Variants in VAV2 observed in about 807,000 individuals in gnomAD.
VAV2 encodes the protein vav guanine nucleotide exchange factor 2.
VAV2 carries 67 observed loss-of-function variants against 132.5 expected under a neutral mutation model. That is an observed-to-expected ratio of 0.51 (90% CI 0.42 to 0.62). The LOEUF is 0.62. VAV2 is among the 20% of genes least tolerant of loss of function. The pLI, the probability that VAV2 is intolerant of heterozygous loss-of-function variation, is 0.00. For missense variants in VAV2, 938 were observed against 1,153.6 expected (o/e 0.81, Z 2.71); for synonymous variants, 492 against 443.5 (o/e 1.11, Z -1.37).
At chr9:133,954,437 T>G (rs146870279) in intron 1 of VAV2, among the ~76,000 whole-genome samples, 1 of 152,236 alleles carries the variant, frequency 6.6e-6, no homozygotes, top group East Asian at 1.9e-4. Context: ...TCTCGCCTGG[T>G]GCTGGAAAGG....
intron 1 of VAV2, among the ~76,000 whole-genome samples, chr9:133,958,770 C>T (rs1478508015): frequency 6.6e-6 from 1 of 152,262 alleles, no homozygotes; most frequent in African/African-American, 2.4e-5. Context: ...CTGCAGAGCA[C>T]AGCTCCATCA....
intron 1 of VAV2, among the ~76,000 whole-genome samples, chr9:133,965,042 G>C (rs964406555): frequency 6.6e-6 from 1 of 152,148 alleles, no homozygotes; most frequent in African/African-American, 2.4e-5. Context: ...GTCCCTGTTT[G>C]CAGACATGAT....
chr9:133,796,869 A>G (rs1378823845), intron 10 of VAV2, among the ~76,000 whole-genome samples: 2 of 152,110 alleles, frequency 1.3e-5, no homozygotes, highest in Non-Finnish European at 2.9e-5. Context: ...GGTCCTTTGG[A>G]GAAGGGGCAG....
At chr9:133,812,619 C>T (rs1432733014) in intron 4 of VAV2, among the ~76,000 whole-genome samples, 1 of 152,178 alleles carries the variant, frequency 6.6e-6, no homozygotes, top group African/African-American at 2.4e-5. Flanking sequence ...AGCCTCTCTC[C>T]CCTGGCCCAA....
intron 25 of VAV2, among the ~76,000 whole-genome samples, chr9:133,772,497 C>T (rs1433209127): frequency 6.6e-6 from 1 of 152,196 alleles, no homozygotes; most frequent in African/African-American, 2.4e-5. Flanking sequence ...GTCTGGGCCT[C>T]GGCACCGGCT....
chr9:133,904,414 C>G (rs1436322804), intron 2 of VAV2, among the ~76,000 whole-genome samples: 1 of 152,250 alleles, frequency 6.6e-6, no homozygotes, highest in Non-Finnish European at 1.5e-5. Flanking sequence ...TTCATGTCCT[C>G]CAGGGTCCCG....
chr9:133,901,991 C>A (rs980110928), intron 2 of VAV2, among the ~76,000 whole-genome samples: 1 of 152,156 alleles, frequency 6.6e-6, no homozygotes, highest in African/African-American at 2.4e-5. Context: ...GTGGTCTGCA[C>A]GTCAGGAGAC....
chr9:133,946,223 C>A (rs1423628989), intron 1 of VAV2, among the ~76,000 whole-genome samples: 1 of 152,238 alleles, frequency 6.6e-6, no homozygotes, highest in African/African-American at 2.4e-5. Flanking sequence ...CTCCTCAAGG[C>A]AGCTGCCAGG....
chr9:133,821,563 G>A (rs1339199196), intron 4 of VAV2, among the ~76,000 whole-genome samples: 1 of 152,222 alleles, frequency 6.6e-6, no homozygotes, highest in Non-Finnish European at 1.5e-5. Flanking sequence ...CCCAGAGGGC[G>A]AAAGGAGGGG....
intron 2 of VAV2, among the ~76,000 whole-genome samples, chr9:133,902,962 C>A: frequency 6.6e-6 from 1 of 151,550 alleles, no homozygotes. Flanking sequence ...GTAATCCCAG[C>A]TACTAGGGAG....
In VAV2 at chr9:133,842,387, G is replaced by GAGCCTC. The variant is rs144708423; in HGVS notation, c.381-8053_381-8048dup. On this transcript the variant is annotated intron_variant, in intron 3 of 29. Coordinates refer to ENST00000371850, the MANE Select transcript of VAV2 (RefSeq NM_001134398.2). ...CCGGAGCACTCCGAGAGAACAGGCA[G>GAGCCTC]AGCCTCGAGTTACATCCTGGAGGGC... 6.8e-3 allele frequency among the ~76,000 whole-genome samples: 1,038 copies of GAGCCTC among 152,358 alleles called. 16 individuals are homozygous for GAGCCTC. The highest frequency in any genetic ancestry group is 0.024 in the African/African-American group (982 of 41,582).
intron 19 of VAV2, among the ~76,000 whole-genome samples, chr9:133,782,875 A>T (rs677772): frequency 0.52 from 78,420 of 152,056 alleles, 21,054 homozygotes; most frequent in African/African-American, 0.59. Flanking sequence ...TGCCCTGAGC[A>T]GGGCACAACC....
At chr9:133,865,791 T>C (rs1379305399) in intron 2 of VAV2, among the ~76,000 whole-genome samples, 2 of 152,246 alleles carry the variant, frequency 1.3e-5, no homozygotes, top group African/African-American at 4.8e-5. Flanking sequence ...AACACACGTA[T>C]ATATTGTTCT....
At chr9:133,910,693 G>C (rs1290057783) in intron 2 of VAV2, among the ~76,000 whole-genome samples, 1 of 151,518 alleles carries the variant, frequency 6.6e-6, no homozygotes, top group Non-Finnish European at 1.5e-5. Flanking sequence ...GCGTGGTGGC[G>C]GGCGCCTGTA....
At chr9:133,939,485 C>G (rs1348143149) in intron 1 of VAV2, among the ~76,000 whole-genome samples, 6 of 152,142 alleles carry the variant, frequency 3.9e-5, no homozygotes, top group Admixed American at 3.9e-4. Context: ...CCGCCCCCAG[C>G]CTTCTCATCA....
Position 133,840,782 on chromosome 9 carries a change from C to T in VAV2, c.381-6442G>A, listed in dbSNP as rs185211354. 3.5e-4 allele frequency among the ~76,000 whole-genome samples: 53 copies of T among 152,316 alleles called. No individual in the cohort carries two copies. The highest frequency in any genetic ancestry group is 1.6e-3 in the Admixed American group (24 of 15,296). ...TTGGGATAATAAATCAGGCTCCTAT[C>T]CTTGCCCTCAGGACTTCTGTGAAAA... On this transcript the variant is annotated intron_variant, in intron 3 of 29. Coordinates refer to ENST00000371850, the MANE Select transcript of VAV2 (RefSeq NM_001134398.2). The surrounding 1 kb of genome is among the most constrained non-coding windows in gnomAD (Gnocchi z 4.5).
chr9:133,882,489 G>A (rs1224092173), intron 2 of VAV2, among the ~76,000 whole-genome samples: 2 of 152,134 alleles, frequency 1.3e-5, no homozygotes, highest in Non-Finnish European at 2.9e-5. Flanking sequence ...GGTCACCCTG[G>A]AGTAAGGTGG....
rs150900450 is a variant in VAV2, at chr9:133,863,054, G to A, written c.322-1622C>T. ...GGCCCATTATGCGGCCAGCCCAGCC[G>A]CACTCCCATGCTGATGCTACAAGGG... On this transcript the variant is annotated intron_variant, in intron 2 of 29. Transcript: ENST00000371850. This position sits in a 1 kb window ranked among gnomAD's most constrained non-coding sequence, Gnocchi z 5.0. Among the ~76,000 whole-genome samples, 153 of 152,308 alleles carry A rather than the reference G, an allele frequency of 1.0e-3. No individual in the cohort carries two copies. Among genetic ancestry groups the A allele is most frequent in the African/African-American group, 3.3e-3 (138 of 41,562 alleles).
chr9:133,951,247 C>A (rs1023222567), intron 1 of VAV2, among the ~76,000 whole-genome samples: 3 of 152,210 alleles, frequency 2.0e-5, no homozygotes, highest in East Asian at 1.9e-4. Flanking sequence ...GCCAGCCATG[C>A]GACAGCAAAG....
Sources: allele counts gnomAD v4.1 joint callset (sites outside exome capture counted in the v4.1 genomes callset), GRCh38; gene constraint gnomAD v4.1.1; non-coding constraint Gnocchi (gnomAD v3.1); transcripts MANE v1.5; gene names NCBI Gene and HGNC (gene_info 2026-07-23, HGNC 2026-07-21).